PLXDC2: variants seen among roughly 807,000 people sequenced by gnomAD.
PLXDC2 encodes plexin domain containing 2, also known as plexin domain-containing protein 2.
PLXDC2 carries 40 observed loss-of-function variants against 68.9 expected under a neutral mutation model. The observed-to-expected ratio is 0.58, with a 90% CI of 0.45 to 0.76. The LOEUF (loss-of-function observed/expected upper bound fraction) is 0.76. PLXDC2 is among the 30% of genes least tolerant of loss of function. The pLI, the probability that PLXDC2 is intolerant of heterozygous loss-of-function variation, is 0.00. For missense variants in PLXDC2, 644 were observed against 661.9 expected (o/e 0.97, Z 0.30); for synonymous variants, 243 against 234.2 (o/e 1.04, Z -0.34).
intron 1 of PLXDC2, among the ~76,000 whole-genome samples, chr10:19,933,729 GAT>G (rs1833678261): frequency 6.6e-6 from 1 of 151,354 alleles, no homozygotes. Flanking sequence ...GAAAGGAAAA[GAT>G]AAGTTCTTTC....
chr10:19,934,871 AAC>A (rs1833696887), intron 1 of PLXDC2, among the ~76,000 whole-genome samples: 1 of 151,790 alleles, frequency 6.6e-6, no homozygotes, highest in African/African-American at 2.4e-5. Flanking sequence ...ACTAAGGTGA[AAC>A]AGACCCTTTC....
intron 4 of PLXDC2, among the ~76,000 whole-genome samples, chr10:20,126,285 G>A (rs191389615): frequency 0.029 from 4,129 of 144,076 alleles, 80 homozygotes; most frequent in South Asian, 0.067. Flanking sequence ...ATACATATAC[G>A]TTATATAATA....
rs945819900 is a variant in PLXDC2, at chr10:20,282,155, T to C, written c.*2336T>C. The C allele has an allele frequency of 6.6e-6, 1 of 152,120 alleles. No homozygotes were observed. Among genetic ancestry groups the C allele is most frequent in the Non-Finnish European group, 1.5e-5 (1 of 68,004 alleles). 9.4% of individuals were successfully genotyped at this position (152,120 alleles called of 1,614,324 possible). On this transcript the variant is annotated 3_prime_UTR_variant, in exon 14 of 14. Coordinates refer to ENST00000377252, the MANE Select transcript of PLXDC2 (RefSeq NM_032812.9). ...CAAAGCAACAAATAATAGAGAAAAC[T>C]TCTTGAAACTGGAGTGTGGGAAAAC...
chr10:19,865,134 C>T (rs1837390053), intron 1 of PLXDC2, among the ~76,000 whole-genome samples: 1 of 152,162 alleles, frequency 6.6e-6, no homozygotes, highest in African/African-American at 2.4e-5. Flanking sequence ...GTTGTCTCTG[C>T]ATAGACCCAG....
intron 4 of PLXDC2, among the ~76,000 whole-genome samples, chr10:20,084,957 A>G (rs7917917): frequency 0.7 from 106,815 of 151,594 alleles, 39,757 homozygotes; most frequent in East Asian, 1. Flanking sequence ...TTTTAATATG[A>G]TCTCAGTGGC....
chr10:20,109,563 T>C (rs1833532159), intron 4 of PLXDC2, among the ~76,000 whole-genome samples: 1 of 152,184 alleles, frequency 6.6e-6, no homozygotes, highest in South Asian at 2.1e-4. Context: ...GTTTGTAAGC[T>C]TAGCTCCATA....
intron 4 of PLXDC2, among the ~76,000 whole-genome samples, chr10:20,071,509 T>C (rs1363528203): frequency 1.3e-5 from 2 of 152,114 alleles, no homozygotes; most frequent in African/African-American, 4.8e-5. Flanking sequence ...GATCTGATGA[T>C]TTTATAAAGG....
chr10:20,019,378 C>A (rs1306920923), intron 2 of PLXDC2, among the ~76,000 whole-genome samples: 4 of 152,168 alleles, frequency 2.6e-5, no homozygotes, highest in Non-Finnish European at 4.4e-5. Context: ...TTTGTAGCTA[C>A]TGATTTGGGC....
At chr10:20,008,814 G>A (rs780391370) in intron 2 of PLXDC2, among the ~76,000 whole-genome samples, 2 of 152,134 alleles carry the variant, frequency 1.3e-5, no homozygotes, top group Non-Finnish European at 2.9e-5. Flanking sequence ...TGGTGAACAA[G>A]TCTTTTGAGA....
intron 2 of PLXDC2, among the ~76,000 whole-genome samples, chr10:20,030,348 C>G (rs771028314): frequency 3.9e-5 from 6 of 152,174 alleles, no homozygotes; most frequent in Non-Finnish European, 7.3e-5. Context: ...GTGACTTGTT[C>G]TGATGAAAAC....
chr10:19,960,340 G>C (rs540815599), intron 1 of PLXDC2, among the ~76,000 whole-genome samples: 2 of 152,004 alleles, frequency 1.3e-5, no homozygotes, highest in Non-Finnish European at 2.9e-5. Context: ...CTCCAGCTTG[G>C]GTGACTGAGT....
At chr10:20,098,603 T>C (rs1191427059) in intron 4 of PLXDC2, among the ~76,000 whole-genome samples, 1 of 152,210 alleles carries the variant, frequency 6.6e-6, no homozygotes, top group Non-Finnish European at 1.5e-5. Context: ...AGGGCATTTT[T>C]CAGCCTAACA....
At chr10:20,088,734 G>A (rs1422737237) in intron 4 of PLXDC2, among the ~76,000 whole-genome samples, 3 of 152,106 alleles carry the variant, frequency 2.0e-5, no homozygotes, top group African/African-American at 4.8e-5. Flanking sequence ...TGTCTTATCT[G>A]AAAATTGGGT....
intron 1 of PLXDC2, among the ~76,000 whole-genome samples, chr10:19,876,527 T>C (rs543413496): frequency 1.6e-3 from 230 of 141,918 alleles, no homozygotes; most frequent in African/African-American, 5.7e-3. Context: ...ACTTGAACCC[T>C]GGAGGCAGAG....
At chr10:20,070,495 A>G (rs1305924598) in intron 4 of PLXDC2, among the ~76,000 whole-genome samples, 1 of 152,216 alleles carries the variant, frequency 6.6e-6, no homozygotes, top group Non-Finnish European at 1.5e-5. Flanking sequence ...GAAATTGCTC[A>G]CAAGAAGTAT....
intron 1 of PLXDC2, among the ~76,000 whole-genome samples, chr10:19,837,401 AGAGAGAGAGT>A (rs1171656127): frequency 1.3e-4 from 6 of 47,366 alleles, no homozygotes; most frequent in African/African-American, 3.3e-4. Flanking sequence ...AGAGAGAGAG[AGAGAGAGAGT>A]GTGTGTGTGT....
At chr10:19,910,591 C>CTT (rs1006322581) in intron 1 of PLXDC2, among the ~76,000 whole-genome samples, 169 of 92,494 alleles carry the variant, frequency 1.8e-3, no homozygotes, top group African/African-American at 3.5e-3. Flanking sequence ...TAAGTGGTTG[C>CTT]TTTTTTTTTT....
In PLXDC2 at chr10:19,817,059, T is replaced by A; in HGVS notation, c.-21T>A. 6.8e-7 allele frequency: 1 copy of A among 1,474,034 alleles called. No homozygotes were observed. The highest frequency in any genetic ancestry group is 1.3e-5 in the South Asian group (1 of 74,944). 91.3% of individuals were successfully genotyped at this position (1,474,034 alleles called of 1,614,324 possible). A position where few individuals can be genotyped will look rare whatever the true frequency, so the allele number is the denominator to read the frequency against. On this transcript the variant is annotated 5_prime_UTR_variant, in exon 1 of 14. Coordinates refer to ENST00000377252, the MANE Select transcript of PLXDC2 (RefSeq NM_032812.9). Reference sequence around the variant, plus strand: ...ACCGGCGAAGGACTGGCGGGTGGGGTAGGGAGGTGGCGGCGGCGGCATGGC... The same window carrying A: ...ACCGGCGAAGGACTGGCGGGTGGGGAAGGGAGGTGGCGGCGGCGGCATGGC...
At chr10:20,190,992 G>A (rs1448220179) in intron 9 of PLXDC2, among the ~76,000 whole-genome samples, 1 of 151,742 alleles carries the variant, frequency 6.6e-6, no homozygotes, top group Non-Finnish European at 1.5e-5. Context: ...GTTCTGAGTC[G>A]GAGATGCAAT....
Sources: gnomAD v4.1 joint callset for allele counts (sites outside exome capture counted in the v4.1 genomes callset) on GRCh38, gnomAD v4.1.1 for gene constraint, MANE v1.5 for transcripts, NCBI Gene and HGNC (gene_info 2026-07-23, HGNC 2026-07-21) for gene names.